CYP4A22: variants seen among roughly 807,000 people sequenced by gnomAD.
CYP4A22 encodes the protein cytochrome P450 4A22.
A neutral mutation model predicts 56.2 loss-of-function variants in CYP4A22; 46 were observed. The ratio of observed to expected loss-of-function variants is 0.82; its 90% confidence interval spans 0.65 to 1.05. CYP4A22 has a LOEUF of 1.05. Among genes scored for constraint, CYP4A22 ranks in the 50% least tolerant of loss-of-function variants. CYP4A22 has a pLI of 0.00. For missense variants in CYP4A22, 541 were observed against 645.9 expected (o/e 0.84, Z 1.76); for synonymous variants, 193 against 251.1 (o/e 0.77, Z 2.19).
At chr1:47,143,184 T>C (rs1645032264) in intron 4 of CYP4A22, 85 bp from the exon 5 acceptor site, 2 of 1,542,258 alleles carry the variant, frequency 1.3e-6, no homozygotes, top group Non-Finnish European at 1.7e-6. Flanking sequence ...AAAAACAAGA[T>C]ATCTGCAGGT....
chr1:47,143,994 G>C, intron 6 of CYP4A22, 78 bp downstream of exon 6: 9 of 1,531,190 alleles, frequency 5.9e-6, no homozygotes, highest in Non-Finnish European at 7.9e-6. Flanking sequence ...AGGCAGAGAA[G>C]GTCCCTAGTA....
chr1:47,147,395 T>C (rs952217079), intron 11 of CYP4A22: 11 of 985,188 alleles, frequency 1.1e-5, no homozygotes, highest in Middle Eastern at 5.2e-4. Context: ...AATATTAAAG[T>C]ATTTCTTAAG....
At position 47,144,645 on chromosome 1, in the gene CYP4A22, C is replaced by T. The variant is rs1329545340; in HGVS notation, c.993C>T (p.Ser331=). The part of the protein sequence containing the change: ...EGHDTTASGI[S]WILYALATHP... ...ACGACACCACAGCCAGTGGGATCTCCTGGATCCTCTATGCTCTGGCCACAC... is the reference window on the plus strand; with the variant it reads ...ACGACACCACAGCCAGTGGGATCTCTTGGATCCTCTATGCTCTGGCCACAC... The change falls in exon 8 of 12, where the codon TCC becomes TCT. Residue 331 remains serine, a synonymous_variant. Transcript: ENST00000371891. 2 of 1,613,852 alleles carry T rather than the reference C, an allele frequency of 1.2e-6. No homozygotes were observed.
chr1:47,148,582 A>T lies in CYP4A22; in HGVS notation c.1365-20A>T, dbSNP rs368925653. 10 of 1,592,392 alleles carry T rather than the reference A, an allele frequency of 6.3e-6. No homozygotes were observed. The highest frequency in any genetic ancestry group is 7.7e-6 in the Non-Finnish European group (9 of 1,168,650). On this transcript the variant is annotated intron_variant, in intron 11 of 11. Transcript: ENST00000371891. The stretch of plus-strand genomic sequence containing the variant: ...GGGGCCTGAGGACACGTCTCAATTC[A>T]TTGTCTCCGCCTGGCCCAGGAACTG...
intron 1 of CYP4A22, among the ~76,000 whole-genome samples, chr1:47,140,501 A>T (rs1004930981): frequency 6.6e-6 from 1 of 152,222 alleles, no homozygotes; most frequent in African/African-American, 2.4e-5. Flanking sequence ...ACATTGCCCA[A>T]GGAAATTGTT....
intron 1 of CYP4A22, among the ~76,000 whole-genome samples, chr1:47,139,266 T>C (rs1228316242): frequency 6.6e-6 from 1 of 152,210 alleles, no homozygotes; most frequent in African/African-American, 2.4e-5. Flanking sequence ...CTTTTTTCTA[T>C]GGGCTATCCT....
intron 5 of CYP4A22, 66 bp downstream of exon 5, chr1:47,143,459 GC>G: frequency 6.6e-7 from 1 of 1,510,132 alleles, no homozygotes; most frequent in Non-Finnish European, 8.9e-7. Context: ...TACCTGAGGG[GC>G]AGGTGGGGCA....
rs1645100822 is a variant in CYP4A22 at position 47,148,698 on chromosome 1, C to G, written c.1461C>G (p.Ile487Met). 1.2e-6 allele frequency: 2 copies of G among 1,614,106 alleles called. No homozygotes were observed. Among genetic ancestry groups the G allele is most frequent in the Admixed American group, 3.3e-5 (2 of 60,016 alleles). ...RFELLPDPTR[I>M]PIPMARLVLK... ...AGCTGCTGCCTGATCCCACCAGGAT[C>G]CCCATCCCCATGGCACGACTTGTGT... The change falls in exon 12 of 12, where the codon ATC becomes ATG. Residue 487 changes from isoleucine (I) to methionine (M), a missense_variant. Around this residue, in one of 3 missense-constraint regions of CYP4A22, gnomAD observed 204 missense variants for 258.9 expected, o/e 0.79. Transcript: ENST00000371891.
At chr1:47,146,206 C>T (rs1569815821) in intron 11 of CYP4A22, 53 bp downstream of exon 11, 1 of 1,613,894 alleles carries the variant, frequency 6.2e-7, no homozygotes, top group Non-Finnish European at 8.5e-7. Context: ...AGTCTCTGGT[C>T]AACCCTCTGA....
intron 6 of CYP4A22, 28 bp downstream of exon 6, chr1:47,143,944 C>T (rs775336205): frequency 1.3e-6 from 2 of 1,589,922 alleles, no homozygotes; most frequent in South Asian, 1.2e-5. Context: ...TGTCTCCCAG[C>T]CTTTCCCAGG....
In CYP4A22 at chr1:47,144,605, T is replaced by A; in HGVS notation, c.953T>A (p.Phe318Tyr). ...GACCTCCGTGCTGAGGTGGACACGT[T>A]CATGTTTGAGGGCCACGACACCACA... The part of the protein sequence containing the change: ...DKDLRAEVDT[F>Y]MFEGHDTTAS... The change falls in exon 8 of 12, where the codon TTC becomes TAC. Residue 318 changes from phenylalanine to tyrosine, a missense_variant. By Grantham distance (22) the Phe-to-Tyr change is conservative (BLOSUM62 3). This residue lies in a region of CYP4A22 where 204 missense variants were observed against 258.9 expected (regional missense o/e 0.79). Transcript: ENST00000371891. The A allele has an allele frequency of 6.2e-7, 1 of 1,613,916 alleles. No homozygotes were observed. Among genetic ancestry groups the A allele is most frequent in the Non-Finnish European group, 8.5e-7 (1 of 1,179,872 alleles).
chr1:47,144,743 G>T lies in CYP4A22; in HGVS notation c.1088+3G>T. On this transcript the variant is annotated splice_donor_region_variant and intron_variant, in intron 8 of 11. Coordinates refer to ENST00000371891, the MANE Select transcript of CYP4A22 (RefSeq NM_001010969.4). Reference sequence around the variant, plus strand: ...GGTGATGGAGCCTCCATCACCTGGTGAGTGAGGGCTCAAAAGATGGGGTTC... The same window carrying T: ...GGTGATGGAGCCTCCATCACCTGGTTAGTGAGGGCTCAAAAGATGGGGTTC... The T allele has an allele frequency of 6.2e-7, 1 of 1,613,826 alleles. No individual in the cohort carries two copies. Among genetic ancestry groups the T allele is most frequent in the Non-Finnish European group, 8.5e-7 (1 of 1,179,828 alleles).
chr1:47,140,320 T>G (rs953857592), intron 1 of CYP4A22, among the ~76,000 whole-genome samples: 13 of 152,352 alleles, frequency 8.5e-5, no homozygotes, highest in South Asian at 8.3e-4. Context: ...TCCCAAATGC[T>G]ATTTTATCTC....
At chr1:47,148,470 G>C in intron 11 of CYP4A22, 132 bp from the exon 12 acceptor site, 1 of 1,279,080 alleles carries the variant, frequency 7.8e-7, no homozygotes, top group Non-Finnish European at 1.1e-6. Context: ...TGGGCTGTAA[G>C]TGTGCAGGGG....
Position 47,148,586 on chromosome 1 carries a change from T to A in CYP4A22, c.1365-16T>A. The A allele has an allele frequency of 6.3e-7, 1 of 1,597,438 alleles. No individual in the cohort carries two copies. The highest frequency in any genetic ancestry group is 8.5e-7 in the Non-Finnish European group (1 of 1,171,286). On this transcript the variant is annotated splice_polypyrimidine_tract_variant and intron_variant, in intron 11 of 11. Transcript: ENST00000371891. ...CCTGAGGACACGTCTCAATTCATTG[T>A]CTCCGCCTGGCCCAGGAACTGCATC...
intron 3 of CYP4A22, 25 bp from the exon 4 acceptor site, chr1:47,142,083 A>G: frequency 2.5e-6 from 4 of 1,607,202 alleles, no homozygotes; most frequent in Non-Finnish European, 3.4e-6. Flanking sequence ...ATACACACAC[A>G]TACACATATT....
Position 47,146,163 on chromosome 1 carries a change from C to T in CYP4A22, c.1364+10C>T. 5 of 1,614,166 alleles carry T rather than the reference C, an allele frequency of 3.1e-6. No homozygotes were observed. The highest frequency in any genetic ancestry group is 4.2e-6 in the Non-Finnish European group (5 of 1,180,026). ...TCTCAGGAGGATCAAGGTGAGACGT[C>T]CTGTGTGGTAATTGGAATAGAGAAA... On this transcript the variant is annotated intron_variant, in intron 11 of 11. Transcript: ENST00000371891.
chr1:47,139,174 T>G (rs2148553143), intron 1 of CYP4A22, among the ~76,000 whole-genome samples: 1 of 152,336 alleles, frequency 6.6e-6, no homozygotes, highest in East Asian at 1.9e-4. Flanking sequence ...ATTTTCTCAC[T>G]CATATCTATC....
chr1:47,145,469 C>T (rs1021750039), intron 9 of CYP4A22, among the ~76,000 whole-genome samples: 9 of 152,182 alleles, frequency 5.9e-5, no homozygotes, highest in Admixed American at 3.3e-4. Context: ...ACAGACAAGA[C>T]AATTGGTCTC....
Sources: gnomAD v4.1 joint callset for allele counts (sites outside exome capture counted in the v4.1 genomes callset) on GRCh38, gnomAD v4.1.1 for gene constraint, gnomAD v4.1.1 regional missense constraint, MANE v1.5 for transcripts, NCBI Gene and HGNC (gene_info 2026-07-23, HGNC 2026-07-21) for gene names.